ZC3H11A: variants seen among roughly 807,000 people sequenced by gnomAD.
ZC3H11A encodes zinc finger CCCH-type containing 11A.
Under a neutral mutation model 90.8 loss-of-function variants are expected in ZC3H11A, and 22 were observed. That is an observed-to-expected ratio of 0.24 (90% confidence interval 0.17 to 0.35). The LOEUF is 0.35. ZC3H11A is among the 10% of genes least tolerant of loss of function. The pLI, the probability that ZC3H11A is intolerant of heterozygous loss-of-function variation, is 1.00. For missense variants in ZC3H11A, 701 were observed against 964.9 expected, an observed-to-expected ratio of 0.73 and a Z score of 3.62; for synonymous variants, 294 against 339.8, an observed-to-expected ratio of 0.87 and a Z score of 1.48.
chr1:203,828,288 C>T lies in ZC3H11A; in HGVS notation c.175-11C>T, dbSNP rs778876646. Reference sequence around the variant, plus strand: ...TTTTATTTGAAAGCAATGTGTTTTTCCCTCTTACAGAAAAAACGCAGTGAA... The same window carrying T: ...TTTTATTTGAAAGCAATGTGTTTTTTCCTCTTACAGAAAAAACGCAGTGAA... On this transcript the variant is annotated splice_polypyrimidine_tract_variant and intron_variant, in intron 4 of 17. Transcript: ENST00000367210. 6.2e-7 allele frequency: 1 copy of T among 1,613,676 alleles called. No individual in the cohort carries two copies. The highest frequency in any genetic ancestry group is 2.2e-5 in the East Asian group (1 of 44,844).
intron 2 of ZC3H11A, among the ~76,000 whole-genome samples, chr1:203,809,319 G>A (rs563601929): frequency 6.6e-6 from 1 of 151,838 alleles, no homozygotes; most frequent in East Asian, 1.9e-4. Flanking sequence ...GGGACAACAG[G>A]CGCACACTAC....
chr1:203,835,419 A>T (rs562389109), intron 10 of ZC3H11A, among the ~76,000 whole-genome samples: 19 of 152,224 alleles, frequency 1.2e-4, no homozygotes, highest in Admixed American at 4.6e-4. Flanking sequence ...TCATTTACGA[A>T]AAAAGCTTAG....
chr1:203,800,613 T>C (rs767214549), intron 1 of ZC3H11A: 1 of 655,876 alleles, frequency 1.5e-6, no homozygotes, highest in Non-Finnish European at 2.3e-6. Context: ...GGCAATATAA[T>C]TTTGATAAAA....
At chr1:203,836,881 T>C (rs899197866) in intron 10 of ZC3H11A, among the ~76,000 whole-genome samples, 3 of 152,246 alleles carry the variant, frequency 2.0e-5, no homozygotes, top group African/African-American at 7.2e-5. Flanking sequence ...AGATTTCTTT[T>C]CTAGAATTGG....
Position 203,849,843 on chromosome 1 carries a change from G to T in ZC3H11A, c.1756G>T (p.Ala586Ser). Residue 586 changes from alanine to serine, a missense_variant, in exon 15 of 18, where the codon GCC becomes TCC. Transcript: ENST00000367210. ...SVLTPLRGDV[A>S]SCNTQVAEKP... ...CTTGACACCTCTTCGGGGAGATGTA[G>T]CCTCTTGCAATACCCAAGTGGCAGA... 1 of 1,614,066 alleles carries T rather than the reference G, an allele frequency of 6.2e-7. No homozygotes were observed. The highest frequency in any genetic ancestry group is 8.5e-7 in the Non-Finnish European group (1 of 1,180,014).
chr1:203,810,436 T>C (rs1674009241), intron 2 of ZC3H11A, among the ~76,000 whole-genome samples: 1 of 151,602 alleles, frequency 6.6e-6, no homozygotes, highest in Non-Finnish European at 1.5e-5. Flanking sequence ...TTTTTTTTTT[T>C]TGAGACAGAG....
rs556263531 is a variant in ZC3H11A, at chr1:203,797,513, CATAAAG to C, written c.-1588+1721_-1588+1726del. 6.5e-5 allele frequency: 96 copies of C among 1,485,496 alleles called. No individual in the cohort carries two copies. The African/African-American group carries it at 1.2e-3, about 18-fold the overall frequency. The allele number at this position is 1,485,496 out of a possible 1,614,324, so 92.0% of individuals were successfully genotyped here. The stretch of plus-strand genomic sequence containing the variant: ...CAGATTCTGGTACGAATTGTGGAGA[CATAAAG>C]AGAATGAGTGTATGTACTCTAAGTG... On this transcript the variant is annotated intron_variant, in intron 1 of 17. Transcript: ENST00000367210.
At chr1:203,835,296 C>G (rs945382826) in intron 10 of ZC3H11A, among the ~76,000 whole-genome samples, 2 of 152,160 alleles carry the variant, frequency 1.3e-5, no homozygotes, top group African/African-American at 2.4e-5. Flanking sequence ...AAACCATGCA[C>G]AATGCTTGGC....
rs1190202990 is a variant in ZC3H11A at position 203,802,058 on chromosome 1, A to G, written c.-1104A>G. The G allele has an allele frequency of 6.6e-6, 1 of 152,602 alleles. No homozygotes were observed. The highest frequency in any genetic ancestry group is 1.5e-5 in the Non-Finnish European group (1 of 68,030). 9.5% of individuals were successfully genotyped at this position (152,602 alleles called of 1,614,324 possible). On this transcript the variant is annotated 5_prime_UTR_variant, in exon 2 of 18. Coordinates refer to ENST00000367210, the MANE Select transcript of ZC3H11A (RefSeq NM_001376342.1). ...AAATAAGAAATAAATTTTCCCTTAG[A>G]TAAAGCTTTCTGTGTTTTGACAGTG...
In ZC3H11A at chr1:203,850,931, T is replaced by C. The variant is rs1021678498; in HGVS notation, c.2107-126T>C. On this transcript the variant is annotated intron_variant, in intron 16 of 17. Transcript: ENST00000367210. ...ATTTATATACTCAACCTTTAGATTA[T>C]CGATTCTTAGATTCACAGGCTTAAA... The C allele has an allele frequency of 2.4e-6, 3 of 1,268,488 alleles. No homozygotes were observed. In the Admixed American group the frequency reaches 6.5e-5, roughly 28 times the overall value. The allele number at this position is 1,268,488 out of a possible 1,614,324, so 78.6% of individuals were successfully genotyped here.
At chr1:203,830,316 G>T in intron 8 of ZC3H11A, 113 bp downstream of exon 8, 1 of 815,592 alleles carries the variant, frequency 1.2e-6, no homozygotes, top group East Asian at 2.5e-5. Flanking sequence ...TCCATGGCCT[G>T]TTTGAAGTAA....
chr1:203,819,089 T>TATATAC (rs1336523998), intron 4 of ZC3H11A, among the ~76,000 whole-genome samples: 1 of 140,956 alleles, frequency 7.1e-6, no homozygotes, highest in Non-Finnish European at 1.5e-5. Context: ...TATATATATA[T>TATATAC]ACACACACAC....
At position 203,813,110 on chromosome 1, in the gene ZC3H11A, G is replaced by A. The variant is rs557531198; in HGVS notation, c.-145-3816G>A. 5.3e-5 allele frequency among the ~76,000 whole-genome samples: 8 copies of A among 152,272 alleles called. No individual in the cohort carries two copies. In the South Asian group the frequency reaches 1.7e-3, roughly 32 times the overall value. On this transcript the variant is annotated intron_variant, in intron 2 of 17. Coordinates refer to ENST00000367210, the MANE Select transcript of ZC3H11A (RefSeq NM_001376342.1). The stretch of plus-strand genomic sequence containing the variant: ...TTTTGCAAATATTTTCTCCCAGCCT[G>A]TGGCTTTTTCATTCTTTCTTAAGCT...
intron 2 of ZC3H11A, chr1:203,805,544 G>GT: frequency 1.8e-6 from 1 of 566,944 alleles, no homozygotes; most frequent in South Asian, 1.4e-5. Context: ...AAACGTATCT[G>GT]TTACGGTAAA....
chr1:203,796,557 C>A, intron 1 of ZC3H11A: 1 of 398,586 alleles, frequency 2.5e-6, no homozygotes, highest in South Asian at 1.3e-4. Context: ...GGTTCTGGAC[C>A]TTGAGAAAGA....
chr1:203,800,140 A>G, intron 1 of ZC3H11A: 1 of 1,534,924 alleles, frequency 6.5e-7, no homozygotes. Flanking sequence ...TACTTCAAAG[A>G]GAAGTATTCA....
At chr1:203,822,769 C>G (rs973501695) in intron 4 of ZC3H11A, among the ~76,000 whole-genome samples, 1 of 152,190 alleles carries the variant, frequency 6.6e-6, no homozygotes, top group East Asian at 1.9e-4. Flanking sequence ...CACCCTATGC[C>G]AGTTCCACAT....
intron 2 of ZC3H11A, among the ~76,000 whole-genome samples, chr1:203,815,216 C>CTTTTT (rs59254922): frequency 0.44 from 41,761 of 94,578 alleles, 11,533 homozygotes; most frequent in Non-Finnish European, 0.47. Context: ...CTTTTCTTTT[C>CTTTTT]TTTTTTTTTT....
chr1:203,825,708 A>G (rs1324788118), intron 4 of ZC3H11A, among the ~76,000 whole-genome samples: 5 of 152,136 alleles, frequency 3.3e-5, no homozygotes, highest in Non-Finnish European at 7.4e-5. Context: ...TACAGGCGTG[A>G]GCCACCACGC....
Sources: allele counts gnomAD v4.1 joint callset (sites outside exome capture counted in the v4.1 genomes callset), GRCh38; gene constraint gnomAD v4.1.1; transcripts MANE v1.5; gene names NCBI Gene and HGNC (gene_info 2026-07-23, HGNC 2026-07-21).